Variants in DACH2 observed in about 807,000 individuals in gnomAD.
DACH2 encodes dachshund family transcription factor 2, also known as dachshund homolog 2.
Under a neutral mutation model 35.8 loss-of-function variants are expected in DACH2, and 17 were observed. The observed-to-expected ratio is 0.48, with a 90% CI of 0.33 to 0.71. The LOEUF (loss-of-function observed/expected upper bound fraction) is 0.71, where lower values mean the gene tolerates loss of function less well. Ranked by LOEUF, DACH2 falls within the 30% of genes least tolerant of loss-of-function variation. DACH2 has a pLI of 0.02. For missense variants in DACH2, 469 were observed against 472.7 expected, an observed-to-expected ratio of 0.99 and a Z score of 0.07; for synonymous variants, 195 against 177.3, an observed-to-expected ratio of 1.10 and a Z score of -0.79.
intron 3 of DACH2, among the ~76,000 whole-genome samples, chrX:86,569,520 C>T (rs763816332): frequency 3.6e-5 from 4 of 111,293 alleles, no homozygotes; most frequent in South Asian, 3.8e-4. Flanking sequence ...CCAGATTATA[C>T]GTTCACCCAT....
At chrX:86,439,204 T>C (rs2037119075) in intron 2 of DACH2, among the ~76,000 whole-genome samples, 2 of 112,106 alleles carry the variant, frequency 1.8e-5, no homozygotes, top group South Asian at 7.3e-4. Context: ...TTTTGGGAAA[T>C]GTCTATTCAT....
At chrX:86,534,272 G>A (rs990071508) in intron 3 of DACH2, among the ~76,000 whole-genome samples, 1 of 111,577 alleles carries the variant, frequency 9.0e-6, no homozygotes, top group Admixed American at 9.6e-5. Context: ...GTTATAGGAA[G>A]GGAAGGAAGA....
chrX:86,758,817 C>A (rs1602907545), intron 7 of DACH2, among the ~76,000 whole-genome samples: 1 of 112,013 alleles, frequency 8.9e-6, no homozygotes, highest in East Asian at 2.8e-4. Context: ...ATTTATGAAG[C>A]ACATGAGATA....
At chrX:86,807,921 C>A (rs774873886) in intron 7 of DACH2, among the ~76,000 whole-genome samples, 10 of 112,036 alleles carry the variant, frequency 8.9e-5, no homozygotes, top group African/African-American at 3.2e-4. Flanking sequence ...GTTTTCTCAA[C>A]ACTAATTTGA....
intron 2 of DACH2, among the ~76,000 whole-genome samples, chrX:86,389,793 C>G (rs2036172944): frequency 8.9e-6 from 1 of 112,242 alleles, no homozygotes; most frequent in Non-Finnish European, 1.9e-5. Context: ...AAATGCCAAA[C>G]TGACAAAGTC....
chrX:86,664,488 G>A lies in DACH2; in HGVS notation c.772+13321G>A, dbSNP rs545305439. On this transcript the variant is annotated intron_variant, in intron 4 of 11. Transcript: ENST00000373125. ...TTTTTCCAACTATACCTGCCATGGA[G>A]TTTTCTTATAAATGCAAACATCCTT... Among the ~76,000 whole-genome samples, 31 of 111,446 alleles carry A rather than the reference G, an allele frequency of 2.8e-4. No individual in the cohort carries two copies. In the South Asian group the frequency reaches 0.012, roughly 42 times the overall value.
intron 2 of DACH2, among the ~76,000 whole-genome samples, chrX:86,382,269 A>G (rs1012433030): frequency 4.6e-5 from 5 of 109,424 alleles, no homozygotes; most frequent in Non-Finnish European, 9.6e-5. Flanking sequence ...GAGACTTTTT[A>G]TTTGAAAGAT....
chrX:86,202,380 T>C (rs1318417788), intron 1 of DACH2, among the ~76,000 whole-genome samples: 1 of 111,681 alleles, frequency 9.0e-6, no homozygotes, highest in African/African-American at 3.2e-5. Context: ...GGGAATCATA[T>C]TGTTTCTCAG....
At chrX:86,191,872 C>T (rs929967525) in intron 1 of DACH2, among the ~76,000 whole-genome samples, 5 of 111,121 alleles carry the variant, frequency 4.5e-5, no homozygotes, top group East Asian at 2.8e-4. Flanking sequence ...ACCCAAGAGG[C>T]GGAGGTTTCA....
At chrX:86,354,848 GA>G (rs1200395225) in intron 1 of DACH2, among the ~76,000 whole-genome samples, 172 of 14,242 alleles carry the variant, frequency 0.012, 59 homozygotes, top group Middle Eastern at 0.062. Context: ...AAAAATAAAT[GA>G]AAAAAAAAAA....
intron 2 of DACH2, among the ~76,000 whole-genome samples, chrX:86,409,356 T>G (rs2036574352): frequency 9.0e-6 from 1 of 111,193 alleles, no homozygotes; most frequent in South Asian, 3.8e-4. Flanking sequence ...AGTTTGGATG[T>G]GTGTCCCCGG....
At chrX:86,415,795 C>A (rs1216756751) in intron 2 of DACH2, among the ~76,000 whole-genome samples, 1 of 112,053 alleles carries the variant, frequency 8.9e-6, no homozygotes, top group Non-Finnish European at 1.9e-5. Flanking sequence ...AGGGAAATTA[C>A]AATATTTTCT....
At chrX:86,406,209 T>C (rs1223612798) in intron 2 of DACH2, among the ~76,000 whole-genome samples, 1 of 112,225 alleles carries the variant, frequency 8.9e-6, no homozygotes, top group East Asian at 2.8e-4. Context: ...TATGTAGTCA[T>C]GAAAAAGAAT....
intron 3 of DACH2, among the ~76,000 whole-genome samples, chrX:86,563,464 T>C (rs1200852362): frequency 3.6e-5 from 4 of 111,072 alleles, no homozygotes; most frequent in Non-Finnish European, 5.7e-5. Flanking sequence ...CCAATAATTG[T>C]AATATTGAAA....
intron 6 of DACH2, among the ~76,000 whole-genome samples, chrX:86,739,369 A>T (rs2041629793): frequency 9.0e-6 from 1 of 111,500 alleles, no homozygotes; most frequent in Non-Finnish European, 1.9e-5. Flanking sequence ...CTTCTTAATG[A>T]GATAGGAGTA....
chrX:86,508,807 T>A (rs1219628225), intron 2 of DACH2, among the ~76,000 whole-genome samples: 1 of 111,450 alleles, frequency 9.0e-6, no homozygotes, highest in Non-Finnish European at 1.9e-5. Flanking sequence ...CAGAGTCAAG[T>A]AAATGAAGTA....
At chrX:86,667,568 G>GAAAT (rs1285590014) in intron 4 of DACH2, among the ~76,000 whole-genome samples, 4 of 94,457 alleles carry the variant, frequency 4.2e-5, no homozygotes, top group Non-Finnish European at 6.2e-5. Flanking sequence ...AAGAAAGAAA[G>GAAAT]AAAGAAAGAA....
rs935640992 is a variant in DACH2 at position 86,300,487 on chromosome X, G to A, written c.489-76337G>A. Reference sequence around the variant, plus strand: ...TAGGTGGGAATTGAACAATGAGAACGCATGGACACAGGAAGGGGAACATCA... The same window carrying A: ...TAGGTGGGAATTGAACAATGAGAACACATGGACACAGGAAGGGGAACATCA... On this transcript the variant is annotated intron_variant, in intron 1 of 11. Coordinates refer to ENST00000373125, the MANE Select transcript of DACH2 (RefSeq NM_053281.3). Among the ~76,000 whole-genome samples, 6 of 105,739 alleles carry A rather than the reference G, an allele frequency of 5.7e-5. No homozygotes were observed. In the East Asian group the frequency reaches 1.5e-3, roughly 26 times the overall value. The allele number at this position is 105,739 out of a possible 115,157, so 91.8% of individuals were successfully genotyped here.
intron 3 of DACH2, among the ~76,000 whole-genome samples, chrX:86,538,100 C>T (rs1474159114): frequency 1.8e-5 from 2 of 111,166 alleles, no homozygotes; most frequent in Non-Finnish European, 3.8e-5. Flanking sequence ...AGCTTTATTG[C>T]TCACACAAAG....
Sources: gnomAD v4.1 joint callset for allele counts (sites outside exome capture counted in the v4.1 genomes callset) on GRCh38, gnomAD v4.1.1 for gene constraint, MANE v1.5 for transcripts, NCBI Gene and HGNC (gene_info 2026-07-23, HGNC 2026-07-21) for gene names.